The following YTHDC1 variants were observed in gnomAD, a reference collection of about 807,000 sequenced individuals.
YTHDC1 encodes YTH N6-methyladenosine RNA binding protein C1.
A neutral mutation model predicts 107.0 loss-of-function variants in YTHDC1; 12 were observed. That is an observed-to-expected ratio of 0.11 (90% CI 0.07 to 0.18). YTHDC1 has a LOEUF of 0.18. YTHDC1 is among the 10% of genes least tolerant of loss of function. The pLI is 1.00. For synonymous variants in YTHDC1, 280 were observed against 289.5 expected, an observed-to-expected ratio of 0.97 and a Z score of 0.33; for missense variants, 635 against 898.8, an observed-to-expected ratio of 0.71 and a Z score of 3.75.
At chr4:68,344,026 T>C (rs1176332337) in intron 1 of YTHDC1, 6 of 152,058 alleles carry the variant, frequency 3.9e-5, no homozygotes, top group Non-Finnish European at 5.9e-5. Context: ...TACTATTTGA[T>C]TATTAGGGGC....
At chr4:68,345,549 C>T (rs1327483880) in intron 1 of YTHDC1, among the ~76,000 whole-genome samples, 1 of 151,720 alleles carries the variant, frequency 6.6e-6, no homozygotes, top group Non-Finnish European at 1.5e-5. Flanking sequence ...ATCGTCATTC[C>T]TCCAAATGAA....
intron 12 of YTHDC1, among the ~76,000 whole-genome samples, chr4:68,319,559 C>T (rs1305545581): frequency 6.6e-6 from 1 of 152,150 alleles, no homozygotes; most frequent in African/African-American, 2.4e-5. Context: ...CATCAATCTC[C>T]TAACTGCCTA....
intron 1 of YTHDC1, among the ~76,000 whole-genome samples, chr4:68,345,378 G>C (rs1369407168): frequency 6.6e-6 from 1 of 151,954 alleles, no homozygotes; most frequent in Non-Finnish European, 1.5e-5. Flanking sequence ...TACACATTTT[G>C]TTTTCTAACA....
chr4:68,329,896 GAACAAGGTAAGATA>G, intron 9 of YTHDC1, 92 bp downstream of exon 9: 1 of 788,914 alleles, frequency 1.3e-6, no homozygotes, highest in African/African-American at 1.7e-5. Flanking sequence ...GGTAGTTACT[GAACAAGGTAAGATA>G]AGTATACAGT....
At position 68,318,841 on chromosome 4, in the gene YTHDC1, T is replaced by C. The variant is rs757342915; in HGVS notation, c.1706A>G (p.Tyr569Cys). 7 of 1,614,160 alleles carry C rather than the reference T, an allele frequency of 4.3e-6. No homozygotes were observed. In the Admixed American group the frequency reaches 1.2e-4, roughly 27 times the overall value. The change falls in exon 13 of 17, where the codon TAC becomes TGC. Residue 569 changes from tyrosine (Y) to cysteine (C), a missense_variant. Tyr to Cys is a radical substitution (Grantham distance 194, BLOSUM62 -2). This residue lies in a region of YTHDC1 where 256 missense variants were observed against 372.9 expected (regional missense o/e 0.69). Coordinates refer to ENST00000344157, the MANE Select transcript of YTHDC1 (RefSeq NM_001031732.4). ...QRPGYLKDPR[Y>C]QEVDRRFSGV... is the part of the protein sequence containing the mutation. ...CCCGACTTACCTGTCCACTTCCTGG[T>C]ATCGTGGATCCTTTAAATACCCTGT... is the stretch of plus-strand genomic sequence containing the variant.
intron 1 of YTHDC1, among the ~76,000 whole-genome samples, chr4:68,346,632 T>C (rs1725474070): frequency 6.6e-6 from 1 of 152,208 alleles, no homozygotes; most frequent in Non-Finnish European, 1.5e-5. Flanking sequence ...TTGCATATGT[T>C]ACCTGCCATT....
rs780548876 is a variant in YTHDC1 at position 68,318,702 on chromosome 4, C to T, written c.1749G>A (p.Val583=). 1 of 1,614,026 alleles carries T rather than the reference C, an allele frequency of 6.2e-7. No individual in the cohort carries two copies. The highest frequency in any genetic ancestry group is 2.2e-5 in the East Asian group (1 of 44,850). The change falls in exon 14 of 17, where the codon GTG becomes GTA. Residue 583 remains valine (V), a synonymous_variant. Coordinates refer to ENST00000344157, the MANE Select transcript of YTHDC1 (RefSeq NM_001031732.4). Reference sequence around the variant, plus strand: ...ATGAAATGCTTACCCCATTTAAAAACACATCTCGGCGAACTCCTGAAAATC... The same window carrying T: ...ATGAAATGCTTACCCCATTTAAAAATACATCTCGGCGAACTCCTGAAAATC... ...DRRFSGVRRD[V]FLNGSYNDYV...
chr4:68,345,461 T>C (rs1725302158), intron 1 of YTHDC1, among the ~76,000 whole-genome samples: 1 of 152,184 alleles, frequency 6.6e-6, no homozygotes. Flanking sequence ...GGAGCAAGAT[T>C]ACTAGAACCT....
Position 68,336,900 on chromosome 4 carries a change from T to C in YTHDC1, c.883+127A>G, listed in dbSNP as rs1473145638. On this transcript the variant is annotated intron_variant, in intron 4 of 16. Coordinates refer to ENST00000344157, the MANE Select transcript of YTHDC1 (RefSeq NM_001031732.4). ...TGTATTTATAACATTCAAAAGCATA[T>C]AAAGGATCACAAGACAATCCTATTA... 7.0e-6 allele frequency: 9 copies of C among 1,290,682 alleles called. No homozygotes were observed. In the East Asian group the frequency reaches 1.5e-4, roughly 22 times the overall value. 80.0% of individuals were successfully genotyped at this position (1,290,682 alleles called of 1,614,324 possible).
chr4:68,327,216 A>T (rs1018091463), intron 9 of YTHDC1, among the ~76,000 whole-genome samples: 3 of 152,082 alleles, frequency 2.0e-5, no homozygotes, highest in African/African-American at 7.2e-5. Context: ...AGCCTGGGCA[A>T]CAAGAGCGAA....
chr4:68,337,187 C>T lies in YTHDC1; in HGVS notation c.723G>A (p.Glu241=), dbSNP rs1560495926. 1.9e-6 allele frequency: 3 copies of T among 1,597,698 alleles called. No individual in the cohort carries two copies. The highest frequency in any genetic ancestry group is 1.7e-6 in the Non-Finnish European group (2 of 1,165,858). Residue 241 remains glutamate, a synonymous_variant, in exon 4 of 17, where the codon GAG becomes GAA. Coordinates refer to ENST00000344157, the MANE Select transcript of YTHDC1 (RefSeq NM_001031732.4). Reference sequence around the variant, plus strand: ...ATTCTTCTTCTTCCTCCTCCTCCTCCTCCTCTTCCTCCTCCTCCTCTTCCT... The same window carrying T: ...ATTCTTCTTCTTCCTCCTCCTCCTCTTCCTCTTCCTCCTCCTCCTCTTCCT... ...EEEEEEEEEE[E]EEEEEEEEYE...
At chr4:68,321,206 G>A (rs1202561969) in intron 11 of YTHDC1, among the ~76,000 whole-genome samples, 3 of 152,084 alleles carry the variant, frequency 2.0e-5, no homozygotes, top group African/African-American at 7.2e-5. Flanking sequence ...CTAGTTTTCA[G>A]CTATTTGTCT....
chr4:68,325,676 C>G (rs1317899555), intron 9 of YTHDC1, among the ~76,000 whole-genome samples: 2 of 152,164 alleles, frequency 1.3e-5, no homozygotes, highest in African/African-American at 4.8e-5. Context: ...AGCCACCACA[C>G]CTGGCCTGAA....
chr4:68,348,934 A>C (rs1725750851), intron 1 of YTHDC1, among the ~76,000 whole-genome samples: 1 of 152,216 alleles, frequency 6.6e-6, no homozygotes, highest in East Asian at 1.9e-4. Flanking sequence ...CTACATTAAT[A>C]TCTCTAGGGC....
At chr4:68,331,591 G>A in intron 7 of YTHDC1, among the ~76,000 whole-genome samples, 1 of 152,012 alleles carries the variant, frequency 6.6e-6, no homozygotes, top group African/African-American at 2.4e-5. Flanking sequence ...ACATCCTACA[G>A]CAACTATGCA....
intron 4 of YTHDC1, among the ~76,000 whole-genome samples, chr4:68,334,822 G>A (rs901375017): frequency 1.3e-5 from 2 of 152,044 alleles, no homozygotes; most frequent in East Asian, 1.9e-4. Flanking sequence ...TCAGGAGTTC[G>A]AGACCAGCCT....
chr4:68,321,717 G>A (rs1442227687), intron 11 of YTHDC1, among the ~76,000 whole-genome samples: 2 of 152,126 alleles, frequency 1.3e-5, no homozygotes. Context: ...AAGAAATGGG[G>A]ACTCTTGTTG....
At chr4:68,316,098 G>T in intron 16 of YTHDC1, 1 of 443,626 alleles carries the variant, frequency 2.3e-6, no homozygotes, top group Non-Finnish European at 3.7e-6. Flanking sequence ...GCCTTAAGCA[G>T]TTTGTGATTT....
rs747878972 is a variant in YTHDC1 at position 68,338,273 on chromosome 4, T to C, written c.130+10A>G. 2.5e-6 allele frequency: 4 copies of C among 1,587,942 alleles called. No individual in the cohort carries two copies. In the African/African-American group the frequency reaches 5.4e-5, roughly 21 times the overall value. On this transcript the variant is annotated intron_variant, in intron 2 of 16. Transcript: ENST00000344157. ...GTTATTTCAACAAAAATAATAGAAC[T>C]CTTACATACCCTTTTTCTCATTTTT... is the stretch of plus-strand genomic sequence containing the variant.
Sources: gnomAD v4.1 joint callset for allele counts (sites outside exome capture counted in the v4.1 genomes callset) on GRCh38, gnomAD v4.1.1 for gene constraint, gnomAD v4.1.1 regional missense constraint, MANE v1.5 for transcripts, NCBI Gene and HGNC (gene_info 2026-07-23, HGNC 2026-07-21) for gene names.